Variants in PLCZ1 observed in about 807,000 individuals in gnomAD.
PLCZ1 encodes the protein 1-phosphatidylinositol 4,5-bisphosphate phosphodiesterase zeta-1.
PLCZ1 carries 64 observed loss-of-function variants against 76.8 expected under a neutral mutation model. The observed-to-expected ratio is 0.83, with a 90% CI of 0.68 to 1.03. The LOEUF (loss-of-function observed/expected upper bound fraction) is 1.03, where lower values mean the gene tolerates loss of function less well. PLCZ1 is among the 50% of genes least tolerant of loss of function. PLCZ1 has a pLI of 0.00. For missense variants in PLCZ1, 751 were observed against 713.7 expected (o/e 1.05, Z -0.60); for synonymous variants, 248 against 230.8 (o/e 1.07, Z -0.68).
chr12:18,697,156 T>C (rs970569143), intron 10 of PLCZ1, among the ~76,000 whole-genome samples: 1 of 152,164 alleles, frequency 6.6e-6, no homozygotes, highest in Non-Finnish European at 1.5e-5. Flanking sequence ...CCTGCTGATA[T>C]AGTGACTCAT....
intron 3 of PLCZ1, among the ~76,000 whole-genome samples, chr12:18,725,679 T>C (rs1450876713): frequency 2.6e-5 from 4 of 152,126 alleles, no homozygotes; most frequent in African/African-American, 4.8e-5. Flanking sequence ...TGCTCTTATC[T>C]TTTTCCTCCT....
chr12:18,683,721 C>T (rs996184188), intron 14 of PLCZ1: 95 of 966,430 alleles, frequency 9.8e-5, no homozygotes, highest in Admixed American at 7.3e-4. Flanking sequence ...TAAAGGTAGT[C>T]AGCCCTGAAA....
At chr12:18,681,233 G>A (rs1004493583), downstream of PLCZ1, among the ~76,000 whole-genome samples, 2 of 151,998 alleles carry the variant, frequency 1.3e-5, no homozygotes, top group Non-Finnish European at 2.9e-5. Flanking sequence ...GTCATTATCA[G>A]TTGTAAAGAA....
the PLCZ1 span, among the ~76,000 whole-genome samples, chr12:18,659,663 C>CTTTTTTTTTTTTTTTTTTTT: frequency 5.2e-5 from 7 of 133,786 alleles, no homozygotes; most frequent in South Asian, 2.4e-4. Context: ...GTTCTCCATT[C>CTTTTTTTTTTTTTTTTTTTT]TTTTTTTTTT....
At chr12:18,659,051 T>TA in the PLCZ1 span, among the ~76,000 whole-genome samples, 1 of 152,042 alleles carries the variant, frequency 6.6e-6, no homozygotes, top group Non-Finnish European at 1.5e-5. Context: ...CAAGAGTTGC[T>TA]ATGGAAAGGA....
the PLCZ1 span, among the ~76,000 whole-genome samples, chr12:18,665,960 G>A: frequency 6.6e-5 from 10 of 151,166 alleles, no homozygotes; most frequent in East Asian, 7.8e-4. Flanking sequence ...CTAGTTGGGC[G>A]TGGTGGTGCA....
the PLCZ1 span, among the ~76,000 whole-genome samples, chr12:18,650,676 G>A: frequency 8.6e-5 from 3 of 34,706 alleles, no homozygotes; most frequent in Non-Finnish European, 1.3e-4. Flanking sequence ...GTGTGTGTGT[G>A]TGTGTGTGTG....
chr12:18,700,571 A>T (rs1317942567), intron 9 of PLCZ1, among the ~76,000 whole-genome samples: 2 of 147,550 alleles, frequency 1.4e-5, no homozygotes, highest in African/African-American at 4.9e-5. Context: ...ATTCCACTGG[A>T]TTTGAAGCTG....
the PLCZ1 span, chr12:18,647,882 TATG>T: frequency 1.3e-6 from 2 of 1,543,122 alleles, no homozygotes; most frequent in Non-Finnish European, 1.8e-6. Flanking sequence ...TTAGGTAGTA[TATG>T]ATGAAGTCAC....
intron 4 of PLCZ1, among the ~76,000 whole-genome samples, chr12:18,722,424 TAA>T (rs1281882095): frequency 6.6e-6 from 1 of 152,066 alleles, no homozygotes; most frequent in Non-Finnish European, 1.5e-5. Context: ...AATGCAGAAA[TAA>T]GTTTGGTTTT....
the PLCZ1 span, among the ~76,000 whole-genome samples, chr12:18,670,826 G>A: frequency 6.6e-6 from 1 of 152,084 alleles, no homozygotes; most frequent in Non-Finnish European, 1.5e-5. Flanking sequence ...TCTTTCAAAT[G>A]AGCTCCTTTA....
At chr12:18,706,219 G>A (rs1956597760) in intron 6 of PLCZ1, among the ~76,000 whole-genome samples, 2 of 150,706 alleles carry the variant, frequency 1.3e-5, no homozygotes, top group Admixed American at 1.3e-4. Context: ...GTGACGGAAT[G>A]AGACTCTGTC....
intron 3 of PLCZ1, among the ~76,000 whole-genome samples, chr12:18,732,624 G>A (rs1365143818): frequency 3.9e-5 from 6 of 152,050 alleles, no homozygotes. Context: ...ACACTTCCTT[G>A]TTTTCCCCTC....
the PLCZ1 span, among the ~76,000 whole-genome samples, chr12:18,661,375 AAAGAG>A: frequency 5.6e-5 from 6 of 107,000 alleles, no homozygotes; most frequent in South Asian, 1.6e-3. Context: ...AAATAAAAAA[AAAGAG>A]AGAGAGAGAA....
rs775070073 is a variant in PLCZ1 at position 18,723,493 on chromosome 12, G to T, written c.185C>A (p.Ala62Glu). 5 of 1,612,646 alleles carry T rather than the reference G, an allele frequency of 3.1e-6. No individual in the cohort carries two copies. The highest frequency in any genetic ancestry group is 2.7e-5 in the African/African-American group (2 of 74,820). The change falls in exon 4 of 15, where the codon GCA becomes GAA. Residue 62 changes from alanine (A) to glutamate (E), a missense_variant. Ala to Glu is a moderately radical substitution (Grantham distance 107, BLOSUM62 -1). Coordinates refer to ENST00000266505, the MANE Select transcript of PLCZ1 (RefSeq NM_033123.4). ...TCTGTGCGTGATAATTCGATAAATTGCTCTAAATTCTTCTATGGTGATTCT... is the reference window on the plus strand; with the variant it reads ...TCTGTGCGTGATAATTCGATAAATTTCTCTAAATTCTTCTATGGTGATTCT... ...QGRITIEEFR[A>E]IYRIITHREE... is the part of the protein sequence containing the mutation.
At chr12:18,685,635 G>A (rs764502289) in intron 13 of PLCZ1, 9 of 516,566 alleles carry the variant, frequency 1.7e-5, no homozygotes, top group South Asian at 1.1e-4. Context: ...GCTCATGCTG[G>A]AATAATGACC....
At chr12:18,697,456 T>C (rs1955231952) in intron 10 of PLCZ1, among the ~76,000 whole-genome samples, 1 of 152,184 alleles carries the variant, frequency 6.6e-6, no homozygotes, top group Non-Finnish European at 1.5e-5. Context: ...TGAGTCTTAA[T>C]GTTTCTCATT....
At chr12:18,722,077 T>C (rs1405747604) in intron 4 of PLCZ1, among the ~76,000 whole-genome samples, 1 of 152,048 alleles carries the variant, frequency 6.6e-6, no homozygotes, top group Non-Finnish European at 1.5e-5. Flanking sequence ...TCTTGGACCT[T>C]AGACACTTCT....
At chr12:18,706,931 C>T (rs1196895554) in intron 6 of PLCZ1, among the ~76,000 whole-genome samples, 2 of 152,168 alleles carry the variant, frequency 1.3e-5, no homozygotes, top group South Asian at 4.1e-4. Flanking sequence ...AGGCTGCACT[C>T]CCTTGGAAGG....
Sources: gnomAD v4.1 joint callset for allele counts (sites outside exome capture counted in the v4.1 genomes callset) on GRCh38, gnomAD v4.1.1 for gene constraint, MANE v1.5 for transcripts, NCBI Gene and HGNC (gene_info 2026-07-23, HGNC 2026-07-21) for gene names.